ASB2: variants seen among roughly 807,000 people sequenced by gnomAD.
The protein encoded by ASB2 is ankyrin repeat and SOCS box containing 2.
Under a neutral mutation model 62.4 loss-of-function variants are expected in ASB2, and 58 were observed. The observed-to-expected ratio is 0.93, with a 90% CI of 0.75 to 1.16. The LOEUF (loss-of-function observed/expected upper bound fraction) is 1.16, where lower values mean the gene tolerates loss of function less well. Ranked by LOEUF, ASB2 falls within the 50% of genes most tolerant of loss-of-function variation. The pLI, the probability that ASB2 is intolerant of heterozygous loss-of-function variation, is 0.00. For synonymous variants in ASB2, 386 were observed against 385.3 expected, an observed-to-expected ratio of 1.00 and a Z score of -0.02; for missense variants, 928 against 887.9, an observed-to-expected ratio of 1.05 and a Z score of -0.57.
intron 1 of ASB2, among the ~76,000 whole-genome samples, chr14:93,966,566 A>G (rs900671173): frequency 6.6e-6 from 1 of 152,250 alleles, no homozygotes; most frequent in African/African-American, 2.4e-5. Flanking sequence ...TGAGTTTGGC[A>G]TAATGAATAA....
chr14:93,940,078 G>C (rs975806866), intron 7 of ASB2: 80 of 181,474 alleles, frequency 4.4e-4, no homozygotes, highest in African/African-American at 1.8e-3. Flanking sequence ...CCCATTGCCA[G>C]CTCAGTTATT....
In ASB2 at chr14:93,939,433, A is replaced by G. The variant is rs575721659; in HGVS notation, c.1292T>C (p.Leu431Pro). 3.7e-6 allele frequency: 6 copies of G among 1,612,622 alleles called. No homozygotes were observed. The highest frequency in any genetic ancestry group is 4.2e-6 in the Non-Finnish European group (5 of 1,179,832). ...GCGGTTGGGGTCGGCGCCGTGTTGC[A>G]GCAGCAGCTCGGTGGCGTACACGTT... Reference protein sequence around the residue: ...NNNVYATELLLQHGADPNRDV... With the variant: ...NNNVYATELLPQHGADPNRDV... Residue 431 changes from leucine (L) to proline (P), a missense_variant, in exon 8 of 10, where the codon CTG becomes CCG. Coordinates refer to ENST00000555019, the MANE Select transcript of ASB2 (RefSeq NM_001202429.2).
rs568809947 is a variant in ASB2 at position 93,956,648 on chromosome 14, G to T, written c.311+118C>A. ...CCCCTAGAAGGAGCGTGCCTGGCAG[G>T]TGCCTCCATAGTGCCCTCTGCCCTC... On this transcript the variant is annotated intron_variant, in intron 3 of 9. Transcript: ENST00000555019. The T allele has an allele frequency of 2.9e-6, 4 of 1,360,404 alleles. No individual in the cohort carries two copies. In the South Asian group the frequency reaches 4.8e-5, roughly 16 times the overall value. The allele number at this position is 1,360,404 out of a possible 1,614,324, so 84.3% of individuals were successfully genotyped here.
At chr14:93,959,436 C>G (rs1889333643) in intron 2 of ASB2, among the ~76,000 whole-genome samples, 1 of 152,154 alleles carries the variant, frequency 6.6e-6, no homozygotes, top group Non-Finnish European at 1.5e-5. Flanking sequence ...TCAGGGCTGG[C>G]TGGGGAGCCA....
chr14:93,958,102 C>T (rs563705303), intron 2 of ASB2, among the ~76,000 whole-genome samples: 1 of 152,188 alleles, frequency 6.6e-6, no homozygotes, highest in African/African-American at 2.4e-5. Context: ...CTGCTCACCC[C>T]TCTGCTTCAT....
At chr14:93,940,033 G>A (rs1204531763) in intron 7 of ASB2, 3 of 253,612 alleles carry the variant, frequency 1.2e-5, no homozygotes, top group Non-Finnish European at 2.2e-5. Flanking sequence ...GTTTCAAGAA[G>A]CTCCCACTAA....
chr14:93,954,054 T>G, intron 4 of ASB2: 1 of 526,612 alleles, frequency 1.9e-6, no homozygotes, highest in Non-Finnish European at 3.4e-6. Context: ...TTGGCAGTGG[T>G]TCTTCTAAAA....
In ASB2 at chr14:93,939,206, A is replaced by G. The variant is rs1888401500; in HGVS notation, c.1519T>C (p.Ser507Pro). The change falls in exon 8 of 10, where the codon TCA becomes CCA. Residue 507 changes from serine (S) to proline (P), a missense_variant. Physicochemically the swap from Ser to Pro is moderately conservative, Grantham distance 74. Transcript: ENST00000555019. ...TGCGGGCCGTTGCCGTAGAGGCATG[A>G]GAAGCAGGGCTCGCCGTCGCAGCCC... is the stretch of plus-strand genomic sequence containing the variant. ...DLGCDGEPCF[S>P]CLYGNGPHPP... The G allele has an allele frequency of 6.2e-7, 1 of 1,606,636 alleles. No homozygotes were observed. Among genetic ancestry groups the G allele is most frequent in the Non-Finnish European group, 8.5e-7 (1 of 1,175,326 alleles).
chr14:93,974,411 C>G (rs1240586054), intron 1 of ASB2, among the ~76,000 whole-genome samples: 1 of 152,254 alleles, frequency 6.6e-6, no homozygotes, highest in African/African-American at 2.4e-5. Flanking sequence ...CCTGTGACAG[C>G]TGGCTCCTGT....
intron 7 of ASB2, among the ~76,000 whole-genome samples, chr14:93,940,665 T>G (rs901313072): frequency 1.3e-5 from 2 of 152,188 alleles, no homozygotes; most frequent in East Asian, 3.9e-4. Context: ...CTTCTGGGTG[T>G]GGAGAACTTG....
chr14:93,972,957 G>C (rs899129237), intron 1 of ASB2, among the ~76,000 whole-genome samples: 1 of 152,178 alleles, frequency 6.6e-6, no homozygotes, highest in Non-Finnish European at 1.5e-5. Flanking sequence ...CACCACCACC[G>C]GCTGCGTCAT....
Position 93,964,605 on chromosome 14 carries a change from A to G in ASB2, c.-66T>C. ...AGTGGGGAGGAGGGAACAGCAAATC[A>G]GAAAACCCTGTGAGGAAACCAAAAC... is the stretch of plus-strand genomic sequence containing the variant. On this transcript the variant is annotated 5_prime_UTR_variant, in exon 2 of 10. Transcript: ENST00000555019. The G allele has an allele frequency of 6.8e-7, 1 of 1,471,094 alleles. No homozygotes were observed. Among genetic ancestry groups the G allele is most frequent in the Non-Finnish European group, 9.2e-7 (1 of 1,088,688 alleles). The allele number at this position is 1,471,094 out of a possible 1,614,324, so 91.1% of individuals were successfully genotyped here.
intron 3 of ASB2, chr14:93,955,386 C>G: frequency 6.0e-6 from 2 of 332,582 alleles, no homozygotes; most frequent in Admixed American, 3.8e-5. Flanking sequence ...GCACAGATGC[C>G]GGTGAAGCAA....
chr14:93,957,352 C>G lies in ASB2; in HGVS notation c.207-482G>C, dbSNP rs1335538314. The stretch of plus-strand genomic sequence containing the variant: ...CTGAGAAGCCAAGCTGTACCTGTGC[C>G]CCCCACGCCCACCTGCCAGCTCATT... On this transcript the variant is annotated intron_variant, in intron 2 of 9. Coordinates refer to ENST00000555019, the MANE Select transcript of ASB2 (RefSeq NM_001202429.2). 5.8e-6 allele frequency: 6 copies of G among 1,027,204 alleles called. No homozygotes were observed. In the Admixed American group the frequency reaches 2.5e-4, roughly 43 times the overall value. The allele number at this position is 1,027,204 out of a possible 1,614,324, so 63.6% of individuals were successfully genotyped here. A position where few individuals can be genotyped will look rare whatever the true frequency, so the allele number is the denominator to read the frequency against.
At chr14:93,974,942 G>T (rs1199128550) in intron 1 of ASB2, among the ~76,000 whole-genome samples, 1 of 152,226 alleles carries the variant, frequency 6.6e-6, no homozygotes, top group East Asian at 1.9e-4. Context: ...TCATGACCCG[G>T]CCTGTTTGTG....
chr14:93,972,390 G>A (rs74075652), intron 1 of ASB2, among the ~76,000 whole-genome samples: 232 of 152,286 alleles, frequency 1.5e-3, no homozygotes, highest in African/African-American at 4.7e-3. Context: ...CCCGGGTCCT[G>A]TTGTTTTAGA....
At chr14:93,952,898 T>A (rs1889023310) in intron 5 of ASB2, among the ~76,000 whole-genome samples, 2 of 152,254 alleles carry the variant, frequency 1.3e-5, no homozygotes, top group South Asian at 2.1e-4. Context: ...GCCTTGTTTT[T>A]CTTAAACAAA....
intron 3 of ASB2, chr14:93,955,140 G>C: frequency 2.2e-6 from 1 of 456,740 alleles, no homozygotes; most frequent in Non-Finnish European, 4.4e-6. Flanking sequence ...GAACCACGAT[G>C]TCTATGCCTC....
chr14:93,966,539 A>G (rs1166454473), intron 1 of ASB2, among the ~76,000 whole-genome samples: 3 of 152,180 alleles, frequency 2.0e-5, no homozygotes, highest in Admixed American at 2.0e-4. Context: ...GGGACAGTGA[A>G]TGACAGGTTG....
Sources: allele counts gnomAD v4.1 joint callset (sites outside exome capture counted in the v4.1 genomes callset), GRCh38; gene constraint gnomAD v4.1.1; transcripts MANE v1.5; gene names NCBI Gene and HGNC (gene_info 2026-07-23, HGNC 2026-07-21).